CACNA2D3: variants seen among roughly 807,000 people sequenced by gnomAD.
CACNA2D3 encodes the protein calcium voltage-gated channel auxiliary subunit alpha2delta 3, also known as voltage-dependent calcium channel subunit alpha-2/delta-3.
In CACNA2D3, 60 loss-of-function variants were observed where a neutral mutation model predicts 160.6. The ratio of observed to expected loss-of-function variants is 0.37; its 90% CI spans 0.30 to 0.46. CACNA2D3 has a LOEUF of 0.46. CACNA2D3 is among the 20% of genes least tolerant of loss of function. The pLI, the probability that CACNA2D3 is intolerant of heterozygous loss-of-function variation, is 1.00. For missense variants in CACNA2D3, 1,205 were observed against 1,365.0 expected (o/e 0.88, Z 1.85); for synonymous variants, 558 against 492.9 (o/e 1.13, Z -1.75).
intron 5 of CACNA2D3, among the ~76,000 whole-genome samples, chr3:54,517,561 T>G (rs1701572855): frequency 6.6e-6 from 1 of 152,218 alleles, no homozygotes; most frequent in Non-Finnish European, 1.5e-5. Flanking sequence ...GCACAGGCTG[T>G]AAACACTGAG....
intron 3 of CACNA2D3, among the ~76,000 whole-genome samples, chr3:54,365,115 C>T (rs1428456487): frequency 6.6e-6 from 1 of 152,228 alleles, no homozygotes; most frequent in Non-Finnish European, 1.5e-5. Flanking sequence ...TACCAATTCA[C>T]TTTGTTGAAC....
chr3:54,459,238 G>A (rs551149184), intron 4 of CACNA2D3, among the ~76,000 whole-genome samples: 2 of 151,764 alleles, frequency 1.3e-5, no homozygotes, highest in African/African-American at 4.8e-5. Context: ...ACATATGTGT[G>A]CATGTGTCTT....
chr3:54,822,832 T>TTTCTTTTCTTTCTTTCTTTCTTTC (rs1553874401), intron 14 of CACNA2D3, among the ~76,000 whole-genome samples: 1 of 58,030 alleles, frequency 1.7e-5, no homozygotes, highest in African/African-American at 8.7e-5. Flanking sequence ...TCTTTCTTTC[T>TTTCTTTTCTTTCTTTCTTTCTTTC]TTTCTTTCTT....
intron 17 of CACNA2D3, among the ~76,000 whole-genome samples, chr3:54,857,724 T>C (rs1393646636): frequency 1.3e-5 from 2 of 152,234 alleles, no homozygotes; most frequent in Non-Finnish European, 2.9e-5. Flanking sequence ...CAGGCTGATG[T>C]GTCTCTGCAA....
intron 29 of CACNA2D3, among the ~76,000 whole-genome samples, chr3:54,984,401 G>A (rs1218760599): frequency 6.6e-6 from 1 of 151,632 alleles, no homozygotes; most frequent in Admixed American, 6.6e-5. Flanking sequence ...TTTTATTTTT[G>A]TTAGTTTTGC....
chr3:54,802,543 A>G (rs865876395), intron 13 of CACNA2D3, among the ~76,000 whole-genome samples: 60 of 152,344 alleles, frequency 3.9e-4, no homozygotes, highest in Middle Eastern at 3.4e-3. Context: ...TTGTACAAAT[A>G]AAATCTAGTT....
intron 29 of CACNA2D3, among the ~76,000 whole-genome samples, chr3:54,979,323 C>T (rs1575419188): frequency 6.6e-6 from 1 of 152,174 alleles, no homozygotes; most frequent in East Asian, 1.9e-4. Context: ...GTAAACACAC[C>T]ATTCCAGTCA....
intron 29 of CACNA2D3, among the ~76,000 whole-genome samples, chr3:54,973,721 A>AC (rs769181443): frequency 3.9e-5 from 6 of 152,116 alleles, no homozygotes; most frequent in Non-Finnish European, 8.8e-5. Context: ...GGCACAGGTG[A>AC]CCCCTACCAA....
chr3:54,461,866 G>A (rs1700511807), intron 4 of CACNA2D3, among the ~76,000 whole-genome samples: 1 of 152,174 alleles, frequency 6.6e-6, no homozygotes, highest in Admixed American at 6.5e-5. Context: ...TAATTGTGAT[G>A]TTAGGGTGTC....
chr3:54,241,866 A>G (rs1701979815), intron 2 of CACNA2D3, among the ~76,000 whole-genome samples: 1 of 152,178 alleles, frequency 6.6e-6, no homozygotes, highest in African/African-American at 2.4e-5. Context: ...TGAACTTCCT[A>G]AGCCTCAGTT....
chr3:54,370,837 A>G (rs1454543638), intron 3 of CACNA2D3, among the ~76,000 whole-genome samples: 4 of 81,590 alleles, frequency 4.9e-5, no homozygotes, highest in Middle Eastern at 7.7e-3. Flanking sequence ...CCGACTCCAG[A>G]AAAAAAAAAA....
intron 4 of CACNA2D3, among the ~76,000 whole-genome samples, chr3:54,467,937 T>C (rs1469061248): frequency 6.6e-6 from 1 of 152,246 alleles, no homozygotes; most frequent in African/African-American, 2.4e-5. Flanking sequence ...ATTATGCTGA[T>C]TTTGTCATTA....
intron 6 of CACNA2D3, 27 bp downstream of exon 6, chr3:54,562,958 G>A (rs1575347730): frequency 3.1e-6 from 5 of 1,603,490 alleles, no homozygotes; most frequent in Non-Finnish European, 4.3e-6. Context: ...TGACAGTTAT[G>A]ACTCAGATTA....
chr3:54,364,934 G>A (rs548849827), intron 3 of CACNA2D3, among the ~76,000 whole-genome samples: 2 of 152,310 alleles, frequency 1.3e-5, no homozygotes, highest in East Asian at 3.9e-4. Flanking sequence ...TTCTTAGTAT[G>A]TACCATCTCA....
chr3:54,845,640 A>G (rs1421374750), intron 16 of CACNA2D3, among the ~76,000 whole-genome samples: 2 of 152,256 alleles, frequency 1.3e-5, no homozygotes, highest in Non-Finnish European at 2.9e-5. Flanking sequence ...TATTATTTAA[A>G]TAAGTGCAGT....
chr3:54,411,738 C>T (rs1297944722), intron 4 of CACNA2D3, among the ~76,000 whole-genome samples: 1 of 151,844 alleles, frequency 6.6e-6, no homozygotes, highest in African/African-American at 2.4e-5. Context: ...TGAGGTATGC[C>T]CATATTCACT....
At chr3:54,742,462 C>T (rs192284012) in intron 11 of CACNA2D3, among the ~76,000 whole-genome samples, 275 of 152,128 alleles carry the variant, frequency 1.8e-3, no homozygotes, top group Non-Finnish European at 2.9e-3. Flanking sequence ...GTAACTTACC[C>T]CAAGGCCTCA....
At chr3:54,241,989 G>T (rs544515497) in intron 2 of CACNA2D3, among the ~76,000 whole-genome samples, 150 of 152,192 alleles carry the variant, frequency 9.9e-4, no homozygotes, top group African/African-American at 3.2e-3. Flanking sequence ...TACATTCCAG[G>T]GCCCCCAGTG....
At chr3:54,845,999 TCTTTC>T (rs1366963460) in intron 16 of CACNA2D3, among the ~76,000 whole-genome samples, 9 of 152,194 alleles carry the variant, frequency 5.9e-5, no homozygotes, top group Non-Finnish European at 1.0e-4. Context: ...TGGGGACCCC[TCTTTC>T]CTTATTACAG....
Sources: allele counts gnomAD v4.1 joint callset (sites outside exome capture counted in the v4.1 genomes callset), GRCh38; gene constraint gnomAD v4.1.1; transcripts MANE v1.5; gene names NCBI Gene and HGNC (gene_info 2026-07-23, HGNC 2026-07-21).